DDX1: variants seen among roughly 807,000 people sequenced by gnomAD.
The protein encoded by DDX1 is ATP-dependent RNA helicase DDX1.
A neutral mutation model predicts 108.7 loss-of-function variants in DDX1; 28 were observed. That is an observed-to-expected ratio of 0.26 (90% CI 0.19 to 0.35). The LOEUF (loss-of-function observed/expected upper bound fraction) is 0.35, where lower values mean the gene tolerates loss of function less well. Ranked by LOEUF, DDX1 falls within the 10% of genes least tolerant of loss-of-function variation. The pLI is 1.00. For synonymous variants in DDX1, 295 were observed against 288.9 expected, an observed-to-expected ratio of 1.02 and a Z score of -0.21; for missense variants, 710 against 884.5, an observed-to-expected ratio of 0.80 and a Z score of 2.50.
chr2:15,627,885 C>T (rs926851996), intron 20 of DDX1, among the ~76,000 whole-genome samples: 2 of 152,114 alleles, frequency 1.3e-5, no homozygotes, highest in Non-Finnish European at 2.9e-5. Context: ...TTTTCTGGAC[C>T]ATAAGTCAGT....
Position 15,617,266 on chromosome 2 carries a change from C to T in DDX1, c.1040C>T (p.Pro347Leu), listed in dbSNP as rs774555403. Reference sequence around the variant, plus strand: ...CAGGTAGATATAGTTGTAGGTACTCCGGGAAGACTAGATGACTTGGTGTCA... The same window carrying T: ...CAGGTAGATATAGTTGTAGGTACTCTGGGAAGACTAGATGACTTGGTGTCA... ...ENGVDIVVGT[P>L]GRLDDLVSTG... Residue 347 changes from proline (P) to leucine (L), a missense_variant, in exon 15 of 26, where the codon CCG (proline) becomes CTG (leucine). Physicochemically the swap from Pro to Leu is moderately conservative, Grantham distance 98. Transcript: ENST00000233084. 9 of 1,586,726 alleles carry T rather than the reference C, an allele frequency of 5.7e-6. No individual in the cohort carries two copies. Among genetic ancestry groups the T allele is most frequent in the East Asian group, 4.5e-5 (2 of 44,098 alleles).
chr2:15,629,527 A>C, intron 23 of DDX1, 75 bp from the exon 24 acceptor site: 1 of 1,135,456 alleles, frequency 8.8e-7, no homozygotes, highest in Non-Finnish European at 1.3e-6. Context: ...AAACAATTAA[A>C]AACAAATTTA....
At chr2:15,603,398 A>G in intron 8 of DDX1, 123 bp downstream of exon 8, 2 of 703,946 alleles carry the variant, frequency 2.8e-6, no homozygotes, top group South Asian at 1.9e-5. Context: ...CATGGAAACA[A>G]TATTTATCTG....
chr2:15,628,652 C>T lies in DDX1; in HGVS notation c.1774C>T (p.Leu592=), dbSNP rs867777410. 1.9e-6 allele frequency: 3 copies of T among 1,612,204 alleles called. No homozygotes were observed. The highest frequency in any genetic ancestry group is 1.7e-5 in the Admixed American group (1 of 59,828). ...HGVPYVINVT[L]PDEKQNYVHR... ...TTTATTTATAGTTATAAATGTCACTCTGCCCGATGAAAAGCAAAACTACGT... is the reference window on the plus strand; with the variant it reads ...TTTATTTATAGTTATAAATGTCACTTTGCCCGATGAAAAGCAAAACTACGT... Residue 592 remains leucine (L), a synonymous_variant, in exon 22 of 26, where the codon CTG becomes TTG. Coordinates refer to ENST00000233084, the MANE Select transcript of DDX1 (RefSeq NM_004939.3).
intron 1 of DDX1, among the ~76,000 whole-genome samples, chr2:15,593,121 C>G (rs552876475): frequency 1.3e-5 from 2 of 152,198 alleles, no homozygotes; most frequent in South Asian, 4.2e-4. Context: ...GGGGTTTCAC[C>G]ATGTTGGCCA....
intron 1 of DDX1, among the ~76,000 whole-genome samples, chr2:15,592,867 A>G (rs1316111272): frequency 3.7e-5 from 5 of 135,326 alleles, no homozygotes; most frequent in African/African-American, 1.4e-4. Context: ...CTGTAAGAAT[A>G]TTAGGAATTC....
intron 6 of DDX1, among the ~76,000 whole-genome samples, chr2:15,602,210 G>C (rs1350903538): frequency 6.6e-6 from 1 of 152,200 alleles, no homozygotes; most frequent in Non-Finnish European, 1.5e-5. Flanking sequence ...CATTTGTATT[G>C]ATGGTGCAAC....
intron 1 of DDX1, among the ~76,000 whole-genome samples, 154 bp from the exon 2 acceptor site, chr2:15,594,991 A>T (rs1573034925): frequency 6.6e-6 from 1 of 152,262 alleles, no homozygotes; most frequent in Non-Finnish European, 1.5e-5. Flanking sequence ...TTTCTCCAGA[A>T]CTTGTGCTCT....
At chr2:15,617,135 C>A in intron 14 of DDX1, 109 bp from the exon 15 acceptor site, 2 of 444,278 alleles carry the variant, frequency 4.5e-6, no homozygotes, top group Non-Finnish European at 4.1e-6. Context: ...AGTTGACTGA[C>A]TACTTCAATA....
At chr2:15,614,623 G>A (rs181030436) in intron 14 of DDX1, among the ~76,000 whole-genome samples, 10 of 152,208 alleles carry the variant, frequency 6.6e-5, no homozygotes, top group African/African-American at 1.7e-4. Context: ...CAGGAGTTTC[G>A]GCCCGTTTTC....
chr2:15,602,657 A>G (rs2148738918), intron 7 of DDX1, 26 bp downstream of exon 7: 2 of 1,525,754 alleles, frequency 1.3e-6, no homozygotes, highest in South Asian at 1.1e-5. Flanking sequence ...CTGCACTTGT[A>G]TAAACTTTTG....
intron 14 of DDX1, 44 bp from the exon 15 acceptor site, chr2:15,617,200 T>G: frequency 1.9e-6 from 2 of 1,030,140 alleles, no homozygotes; most frequent in African/African-American, 1.6e-5. Flanking sequence ...GTAATTATAC[T>G]GTTTCTTTAG....
At chr2:15,593,771 C>T (rs535870773) in intron 1 of DDX1, among the ~76,000 whole-genome samples, 34 of 149,178 alleles carry the variant, frequency 2.3e-4, no homozygotes, top group African/African-American at 7.4e-4. Context: ...TTTTTTTTTT[C>T]CTGAGATTAA....
At chr2:15,621,356 G>T in intron 18 of DDX1, 1 of 425,656 alleles carries the variant, frequency 2.3e-6, no homozygotes, top group Non-Finnish European at 4.2e-6. Context: ...ACCCAAGCTG[G>T]AGTGCAATGG....
At chr2:15,614,309 A>G (rs974662998) in intron 14 of DDX1, among the ~76,000 whole-genome samples, 10 of 152,202 alleles carry the variant, frequency 6.6e-5, no homozygotes, top group Admixed American at 6.5e-4. Flanking sequence ...CTCCAATTCC[A>G]TTGGTGCTCT....
chr2:15,616,659 G>T (rs903492486), intron 14 of DDX1, among the ~76,000 whole-genome samples: 7 of 152,168 alleles, frequency 4.6e-5, no homozygotes, highest in Non-Finnish European at 8.8e-5. Context: ...AAAACATTTT[G>T]CAGAGTGCCT....
Position 15,620,391 on chromosome 2 carries a change from A to G in DDX1, c.1390A>G (p.Ile464Val), listed in dbSNP as rs1342620510. Residue 464 changes from isoleucine to valine, a missense_variant, in exon 17 of 26, where the codon ATT becomes GTT. Physicochemically the swap from Ile to Val is conservative, Grantham distance 29. Coordinates refer to ENST00000233084, the MANE Select transcript of DDX1 (RefSeq NM_004939.3). ...RLWERLGKSH[I>V]RTDDVHAKDN... ...CTGGGAAAGGCTTGGAAAGAGCCACATTAGAGTAAGTGGTTTATAATATTA... is the reference window on the plus strand; with the variant it reads ...CTGGGAAAGGCTTGGAAAGAGCCACGTTAGAGTAAGTGGTTTATAATATTA... The G allele has an allele frequency of 1.2e-6, 2 of 1,609,230 alleles. No individual in the cohort carries two copies. The highest frequency in any genetic ancestry group is 1.7e-6 in the Non-Finnish European group (2 of 1,178,218).
At chr2:15,618,374 G>A (rs901080304) in intron 16 of DDX1, 104 bp downstream of exon 16, 1 of 656,390 alleles carries the variant, frequency 1.5e-6, no homozygotes, top group African/African-American at 1.8e-5. Flanking sequence ...AACCTCTGCG[G>A]CTAGTGATGC....
intron 1 of DDX1, 70 bp downstream of exon 1, chr2:15,592,019 G>A (rs1665421419): frequency 7.7e-7 from 1 of 1,305,026 alleles, no homozygotes; most frequent in Non-Finnish European, 1.0e-6. Flanking sequence ...GCCGCCCGCG[G>A]AGAGCTAAAG....
Sources: allele counts gnomAD v4.1 joint callset (sites outside exome capture counted in the v4.1 genomes callset), GRCh38; gene constraint gnomAD v4.1.1; transcripts MANE v1.5; gene names NCBI Gene and HGNC (gene_info 2026-07-23, HGNC 2026-07-21).